The following HK1 variants were observed in gnomAD, a reference collection of about 807,000 sequenced individuals.
The protein encoded by HK1 is hexokinase-1.
Under a neutral mutation model 91.6 loss-of-function variants are expected in HK1, and 28 were observed. That is an observed-to-expected ratio of 0.31 (90% CI 0.23 to 0.42). The LOEUF (loss-of-function observed/expected upper bound fraction) is 0.42. HK1 is among the 10% of genes least tolerant of loss of function. The pLI, the probability that HK1 is intolerant of heterozygous loss-of-function variation, is 1.00. For synonymous variants in HK1, 430 were observed against 468.1 expected, an observed-to-expected ratio of 0.92 and a Z score of 1.05; for missense variants, 770 against 1,219.8, an observed-to-expected ratio of 0.63 and a Z score of 5.49.
intron 4 of HK1, among the ~76,000 whole-genome samples, chr10:69,297,965 C>T (rs950501146): frequency 6.6e-6 from 1 of 150,846 alleles, no homozygotes; most frequent in African/African-American, 2.5e-5. Flanking sequence ...AATCCCAGCA[C>T]TTTGGGAGGC....
intron 1 of HK1, among the ~76,000 whole-genome samples, chr10:69,281,415 C>T (rs902245811): frequency 6.6e-6 from 1 of 152,178 alleles, no homozygotes. Context: ...GGTGTGCTGT[C>T]CTCTTCCTCC....
intron 2 of HK1, among the ~76,000 whole-genome samples, chr10:69,285,780 G>GT (rs1446995951): frequency 6.6e-6 from 1 of 152,182 alleles, no homozygotes; most frequent in Non-Finnish European, 1.5e-5. Flanking sequence ...AGCTTGCATG[G>GT]TGGGCTGGTG....
Position 69,369,484 on chromosome 10 carries a change from T to C in HK1, c.735T>C (p.Ile245=). The C allele has an allele frequency of 6.2e-7, 1 of 1,614,194 alleles. No homozygotes were observed. Among genetic ancestry groups the C allele is most frequent in the Non-Finnish European group, 8.5e-7 (1 of 1,180,034 alleles). Reference sequence around the variant, plus strand: ...GCTACATGGAGGAACTGAGGCACATTGATCTGGTGGAAGGAGACGAGGGGA... The same window carrying C: ...GCTACATGGAGGAACTGAGGCACATCGATCTGGTGGAAGGAGACGAGGGGA... ...NACYMEELRH[I]DLVEGDEGRM... Residue 245 remains isoleucine (I), a synonymous_variant, in exon 7 of 18, where the codon ATT becomes ATC. Transcript: ENST00000359426. The surrounding 1 kb of genome is among the most constrained non-coding windows in gnomAD (Gnocchi z 4.4).
intron 1 of HK1, among the ~76,000 whole-genome samples, chr10:69,276,138 T>TATATATATATATATATATACACAC: frequency 1.3e-5 from 1 of 76,432 alleles, no homozygotes; most frequent in South Asian, 5.0e-4. Flanking sequence ...TATATATATA[T>TATATATATATATATATATACACAC]ACACATATAT....
intron 1 of HK1, among the ~76,000 whole-genome samples, chr10:69,271,598 C>T (rs1330020728): frequency 1.3e-5 from 2 of 151,550 alleles, no homozygotes; most frequent in East Asian, 2.0e-4. Context: ...TGCCTCAAGC[C>T]TCCTGAGTAG....
rs1229564152 is a variant in HK1 at position 69,364,927 on chromosome 10, G to A, written c.495+25G>A. 3 of 1,613,890 alleles carry A rather than the reference G, an allele frequency of 1.9e-6. No individual in the cohort carries two copies. The Admixed American group carries it at 5.0e-5, about 27-fold the overall frequency. ...GGTAAGGATGTTCTGGGATTATCGG[G>A]CTCTGCAGATGCCCCGGGATGGAAA... is the stretch of plus-strand genomic sequence containing the variant. On this transcript the variant is annotated intron_variant, in intron 4 of 17. Coordinates refer to ENST00000359426, the MANE Select transcript of HK1 (RefSeq NM_000188.3).
intron 1 of HK1, among the ~76,000 whole-genome samples, chr10:69,335,054 G>A (rs1847908807): frequency 6.6e-6 from 1 of 152,140 alleles, no homozygotes; most frequent in African/African-American, 2.4e-5. Flanking sequence ...GGGGGTTAGT[G>A]GTTGCTTTAG....
At chr10:69,294,991 C>T (rs552704611) in intron 3 of HK1, among the ~76,000 whole-genome samples, 8 of 140,994 alleles carry the variant, frequency 5.7e-5, no homozygotes, top group Non-Finnish European at 1.5e-5. Flanking sequence ...ATCATGCCAC[C>T]GCACTCCAAG....
upstream of HK1, chr10:69,318,759 C>A: frequency 1.7e-6 from 2 of 1,167,590 alleles, no homozygotes; most frequent in African/African-American, 1.6e-5. Context: ...GCGGCTGTCA[C>A]CCTCCAGGGG....
rs1839550918 is a variant in HK1 at position 69,384,723 on chromosome 10, A to ATG, written c.1720-73_1720-72insTG. 5 of 1,600,414 alleles carry ATG rather than the reference A, an allele frequency of 3.1e-6. No individual in the cohort carries two copies. In the African/African-American group the frequency reaches 6.7e-5, roughly 21 times the overall value. On this transcript the variant is annotated intron_variant, in intron 11 of 17. Coordinates refer to ENST00000359426, the MANE Select transcript of HK1 (RefSeq NM_000188.3). The stretch of plus-strand genomic sequence containing the variant: ...TTTTCCTACGTGTGTGTGTGTATAC[A>ATG]CACTTTGGTCCATGTGCACTGATAA...
chr10:69,277,792 G>A (rs926932361), intron 1 of HK1, among the ~76,000 whole-genome samples: 15 of 152,126 alleles, frequency 9.9e-5, no homozygotes, highest in Admixed American at 4.6e-4. Context: ...CAGCACTTTG[G>A]GAGGCCGACA....
chr10:69,307,085 T>C (rs1055680431), intron 5 of HK1, among the ~76,000 whole-genome samples: 2 of 152,166 alleles, frequency 1.3e-5, no homozygotes, highest in African/African-American at 2.4e-5. Context: ...CGGGTGCCCA[T>C]GGGACATATA....
chr10:69,276,311 A>T (rs1844471672), intron 1 of HK1, among the ~76,000 whole-genome samples: 1 of 151,676 alleles, frequency 6.6e-6, no homozygotes, highest in Non-Finnish European at 1.5e-5. Flanking sequence ...TTGTCAGAGT[A>T]TTTCTGTAGG....
intron 2 of HK1, among the ~76,000 whole-genome samples, chr10:69,344,503 T>G (rs1848449455): frequency 1.3e-5 from 2 of 152,164 alleles, no homozygotes; most frequent in South Asian, 4.1e-4. Flanking sequence ...CAGACCCCCT[T>G]TGGACAGATT....
intron 1 of HK1, among the ~76,000 whole-genome samples, chr10:69,329,801 C>T (rs1847603612): frequency 6.6e-6 from 1 of 152,182 alleles, no homozygotes; most frequent in African/African-American, 2.4e-5. Flanking sequence ...CCCCCCATCT[C>T]CTGCCCCTCC....
Position 69,325,821 on chromosome 10 carries a change from G to A in HK1, c.63+6811G>A, listed in dbSNP as rs570108438. Among the ~76,000 whole-genome samples the A allele has an allele frequency of 7.1e-4, 108 of 151,142 alleles. No individual in the cohort carries two copies. The Middle Eastern group carries it at 0.014, about 19-fold the overall frequency. On this transcript the variant is annotated intron_variant, in intron 1 of 17. Coordinates refer to ENST00000359426, the MANE Select transcript of HK1 (RefSeq NM_000188.3). ...CGAAATGCTGGGATTACGGGTGCCA[G>A]CTACTGCCTCTGGACTGCATTTTTT...
In HK1 at chr10:69,308,080, C is replaced by T. The variant is rs140107518; in HGVS notation, c.27+7219C>T. 4.6e-5 allele frequency among the ~76,000 whole-genome samples: 7 copies of T among 152,260 alleles called. 1 individual carries two copies. Among genetic ancestry groups the T allele is most frequent in the South Asian group, 4.1e-4 (2 of 4,828 alleles). On this transcript the variant is annotated intron_variant, in intron 5 of 21. Coordinates refer to the HK1 transcript ENST00000360289. ...TTTTGAACTCCTGACCTCAAGTGAT[C>T]GACCCACCTCAGCCTCCCAAAGTGC...
intron 13 of HK1, among the ~76,000 whole-genome samples, chr10:69,388,272 T>A (rs1341331226): frequency 1.3e-5 from 2 of 152,062 alleles, no homozygotes; most frequent in African/African-American, 4.8e-5. Flanking sequence ...AGACCCCGTC[T>A]CTATAAGAAA....
At chr10:69,318,477 C>A (rs1405057397), upstream of HK1, among the ~76,000 whole-genome samples, 1 of 152,226 alleles carries the variant, frequency 6.6e-6, no homozygotes, top group Non-Finnish European at 1.5e-5. Context: ...CCCGGCGGAG[C>A]CGGGCGGTGC....
Sources: gnomAD v4.1 joint callset for allele counts (sites outside exome capture counted in the v4.1 genomes callset) on GRCh38, gnomAD v4.1.1 for gene constraint, Gnocchi (gnomAD v3.1) non-coding constraint, MANE v1.5 for transcripts, NCBI Gene and HGNC (gene_info 2026-07-23, HGNC 2026-07-21) for gene names.